The following TCF12 variants were observed in gnomAD, a reference collection of about 807,000 sequenced individuals.
The protein encoded by TCF12 is DNA-binding protein HTF4.
In TCF12, 45 loss-of-function variants were observed where a neutral mutation model predicts 86.0. That is an observed-to-expected ratio of 0.52 (90% CI 0.41 to 0.67). The LOEUF is 0.67. Among genes scored for constraint, TCF12 ranks in the 30% least tolerant of loss-of-function variants. The pLI is 0.00. For missense variants in TCF12, 881 were observed against 859.9 expected (o/e 1.02, Z -0.31); for synonymous variants, 330 against 299.6 (o/e 1.10, Z -1.05).
chr15:57,072,235 GTGAC>G (rs1419848857), intron 4 of TCF12, among the ~76,000 whole-genome samples: 1 of 152,152 alleles, frequency 6.6e-6, no homozygotes, highest in Non-Finnish European at 1.5e-5. Flanking sequence ...GTACAACTAA[GTGAC>G]TGGGAAAGAT....
chr15:56,962,176 G>C (rs1229493827), intron 3 of TCF12, among the ~76,000 whole-genome samples: 2 of 151,558 alleles, frequency 1.3e-5, no homozygotes, highest in Non-Finnish European at 2.9e-5. Flanking sequence ...GGTGAATTGT[G>C]GTCAAATAAC....
rs372440771 is a variant in TCF12 at position 57,162,207 on chromosome 15, T to C, written c.326-4195T>C. 9.2e-5 allele frequency among the ~76,000 whole-genome samples: 14 copies of C among 151,836 alleles called. No homozygotes were observed. The East Asian group carries it at 2.3e-3, about 25-fold the overall frequency. Reference sequence around the variant, plus strand: ...TCAGCTGAAGTTGACTGGTTAAAATTGTCTATACTTCATTTATGTATATTT... The same window carrying C: ...TCAGCTGAAGTTGACTGGTTAAAATCGTCTATACTTCATTTATGTATATTT... On this transcript the variant is annotated intron_variant, in intron 5 of 20. Transcript: ENST00000333725.
intron 6 of TCF12, among the ~76,000 whole-genome samples, chr15:57,175,053 A>G (rs1041766579): frequency 6.6e-6 from 1 of 152,220 alleles, no homozygotes; most frequent in Non-Finnish European, 1.5e-5. Context: ...GAAGTCCAGT[A>G]TTTGCAAAAC....
At chr15:57,007,847 TCCC>T in intron 3 of TCF12, among the ~76,000 whole-genome samples, 1 of 85,684 alleles carries the variant, frequency 1.2e-5, no homozygotes, top group Non-Finnish European at 2.4e-5. Flanking sequence ...TTTCTCTCTT[TCCC>T]TCCCTTCCTT....
intron 5 of TCF12, among the ~76,000 whole-genome samples, chr15:57,134,125 T>C (rs2052351233): frequency 6.6e-6 from 1 of 152,216 alleles, no homozygotes. Flanking sequence ...TTTAAAAGAT[T>C]CTATAGTTAT....
At chr15:56,967,862 T>G (rs552471330) in intron 3 of TCF12, among the ~76,000 whole-genome samples, 1 of 152,252 alleles carries the variant, frequency 6.6e-6, no homozygotes, top group Admixed American at 6.5e-5. Context: ...GTGTGAATGT[T>G]GTTTTTTTTT....
chr15:57,222,146 C>G (rs1369604277), intron 8 of TCF12, among the ~76,000 whole-genome samples: 2 of 151,572 alleles, frequency 1.3e-5, no homozygotes, highest in Non-Finnish European at 2.9e-5. Context: ...TTTTTAACAT[C>G]CCATTTCAGG....
At chr15:57,038,094 A>G (rs1299655726) in intron 3 of TCF12, among the ~76,000 whole-genome samples, 5 of 152,292 alleles carry the variant, frequency 3.3e-5, no homozygotes, top group East Asian at 3.9e-4. Context: ...ATTAATAGCT[A>G]TTTATTCACA....
intron 8 of TCF12, among the ~76,000 whole-genome samples, chr15:57,221,383 G>GGTGTGTGTGTGT (rs144351636): frequency 1.8e-4 from 27 of 148,744 alleles, no homozygotes; most frequent in African/African-American, 4.7e-4. Context: ...ATGTGTGTGG[G>GGTGTGTGTGTGT]GTGTGTGTGT....
intron 3 of TCF12, among the ~76,000 whole-genome samples, chr15:56,945,427 T>C (rs2060951261): frequency 6.6e-6 from 1 of 152,156 alleles, no homozygotes; most frequent in Admixed American, 6.5e-5. Context: ...TTTTTTATAG[T>C]GCAGGACTGC....
rs1324097247 is a variant in TCF12, at chr15:57,287,950, C to G, written c.*1805C>G. 3 of 152,518 alleles carry G rather than the reference C, an allele frequency of 2.0e-5. No homozygotes were observed. Among genetic ancestry groups the G allele is most frequent in the Non-Finnish European group, 2.9e-5 (2 of 68,006 alleles). 9.4% of individuals were successfully genotyped at this position (152,518 alleles called of 1,614,324 possible). On this transcript the variant is annotated 3_prime_UTR_variant, in exon 21 of 21. Coordinates refer to ENST00000333725, the MANE Select transcript of TCF12 (RefSeq NM_207037.2). The stretch of plus-strand genomic sequence containing the variant: ...TGCCACTGCCTGGCCTTTTTTTCTT[C>G]AGAGCTTGTTGTCTTTTTCGCTATA...
chr15:57,200,771 C>G (rs769774930), intron 8 of TCF12, among the ~76,000 whole-genome samples: 43 of 152,294 alleles, frequency 2.8e-4, no homozygotes, highest in Non-Finnish European at 5.0e-4. Context: ...GTGCATAACT[C>G]AGCTTCTCTG....
At chr15:57,044,497 A>G (rs1875343646) in intron 3 of TCF12, among the ~76,000 whole-genome samples, 1 of 152,208 alleles carries the variant, frequency 6.6e-6, no homozygotes, top group African/African-American at 2.4e-5. Flanking sequence ...AGAGAAATTT[A>G]CAGGGCATAT....
intron 3 of TCF12, among the ~76,000 whole-genome samples, chr15:57,022,135 G>C (rs143602145): frequency 8.4e-4 from 128 of 152,058 alleles, no homozygotes; most frequent in African/African-American, 3.0e-3. Flanking sequence ...TGATACACAG[G>C]TATACATGTG....
At chr15:56,974,429 A>G (rs2062498592) in intron 3 of TCF12, among the ~76,000 whole-genome samples, 3 of 152,134 alleles carry the variant, frequency 2.0e-5, no homozygotes, top group African/African-American at 4.8e-5. Flanking sequence ...CTAGTCTTGC[A>G]GCTTTTCTGT....
chr15:57,169,998 A>G (rs1324211238), intron 6 of TCF12, among the ~76,000 whole-genome samples: 1 of 152,226 alleles, frequency 6.6e-6, no homozygotes, highest in Non-Finnish European at 1.5e-5. Context: ...AAAATTTGCT[A>G]CCATTTGCTG....
chr15:57,263,265 G>A lies in TCF12; in HGVS notation c.1736G>A (p.Gly579Asp). The change falls in exon 18 of 21, where the codon GGC becomes GAC. Residue 579 changes from glycine to aspartate, a missense_variant. Coordinates refer to ENST00000333725, the MANE Select transcript of TCF12 (RefSeq NM_207037.2). ...AAAGATATCAAGGTTTCATCTAGAG[G>A]CAGAACAAGGTATTTGTTAGCATCC... ...SQKDIKVSSRGRTSSTNEDED... is the reference protein window; with the variant it reads ...SQKDIKVSSRDRTSSTNEDED... 1 of 1,608,636 alleles carries A rather than the reference G, an allele frequency of 6.2e-7. No individual in the cohort carries two copies. Among genetic ancestry groups the A allele is most frequent in the African/African-American group, 1.3e-5 (1 of 74,670 alleles).
At chr15:57,238,107 A>G (rs993727595) in intron 12 of TCF12, among the ~76,000 whole-genome samples, 20 of 152,218 alleles carry the variant, frequency 1.3e-4, no homozygotes, top group African/African-American at 4.3e-4. Context: ...ATTGGCTTTT[A>G]TTGTACAAAT....
chr15:57,161,009 A>G (rs116524576), intron 5 of TCF12, among the ~76,000 whole-genome samples: 1,765 of 152,110 alleles, frequency 0.012, 32 homozygotes, highest in African/African-American at 0.04. Flanking sequence ...TGTCTTACTC[A>G]TCTCCTAACC....
Sources: gnomAD v4.1 joint callset for allele counts (sites outside exome capture counted in the v4.1 genomes callset) on GRCh38, gnomAD v4.1.1 for gene constraint, MANE v1.5 for transcripts, NCBI Gene and HGNC (gene_info 2026-07-23, HGNC 2026-07-21) for gene names.